The following RBMS3 variants were observed in gnomAD, a reference collection of about 807,000 sequenced individuals.
RBMS3 encodes the protein RNA-binding motif, single-stranded-interacting protein 3.
In RBMS3, 27 loss-of-function variants were observed where a neutral mutation model predicts 66.8. The ratio of observed to expected loss-of-function variants is 0.40; its 90% CI spans 0.30 to 0.56. The LOEUF (loss-of-function observed/expected upper bound fraction) is 0.56, where lower values mean the gene tolerates loss of function less well. Ranked by LOEUF, RBMS3 falls within the 20% of genes least tolerant of loss-of-function variation. RBMS3 has a pLI of 0.40. For missense variants in RBMS3, 513 were observed against 549.5 expected, an observed-to-expected ratio of 0.93 and a Z score of 0.66; for synonymous variants, 188 against 183.0, an observed-to-expected ratio of 1.03 and a Z score of -0.22.
At chr3:29,970,613 A>G (rs1056466674) in intron 12 of RBMS3, among the ~76,000 whole-genome samples, 1 of 152,144 alleles carries the variant, frequency 6.6e-6, no homozygotes, top group Non-Finnish European at 1.5e-5. Flanking sequence ...GGGTCTCTCA[A>G]TATTTTGAAA....
chr3:29,663,756 TA>T (rs5847585), intron 4 of RBMS3, among the ~76,000 whole-genome samples: 39,987 of 151,818 alleles, frequency 0.26, 5,937 homozygotes, highest in Non-Finnish European at 0.34. Flanking sequence ...GTTTCTTTTT[TA>T]AAAAAAAATT....
chr3:29,812,915 T>A lies in RBMS3; in HGVS notation c.637+49926T>A, dbSNP rs144791966. On this transcript the variant is annotated intron_variant, in intron 6 of 14. Coordinates refer to ENST00000383767, the MANE Select transcript of RBMS3 (RefSeq NM_001003793.3). ...AGCTTACTAATCATATGTGCATCTG[T>A]GTATGCATATCACAGATGTACAACG... Among the ~76,000 whole-genome samples the A allele has an allele frequency of 1.4e-3, 207 of 152,240 alleles. 1 individual carries two copies. Among genetic ancestry groups the A allele is most frequent in the African/African-American group, 4.8e-3 (201 of 41,570 alleles).
intron 3 of RBMS3, among the ~76,000 whole-genome samples, chr3:29,564,884 G>GA (rs140765811): frequency 0.046 from 6,787 of 147,814 alleles, 179 homozygotes; most frequent in Admixed American, 0.079. Context: ...TCAATTCCAA[G>GA]AAAAAAAAAA....
intron 6 of RBMS3, among the ~76,000 whole-genome samples, chr3:29,845,762 C>T (rs9866414): frequency 0.015 from 2,212 of 152,122 alleles, 48 homozygotes; most frequent in African/African-American, 0.049. Context: ...ATTTCAGGTT[C>T]GAATAATTCC....
At chr3:29,423,630 C>T (rs2040835229) in intron 1 of RBMS3, among the ~76,000 whole-genome samples, 1 of 152,162 alleles carries the variant, frequency 6.6e-6, no homozygotes, top group African/African-American at 2.4e-5. Flanking sequence ...TTAGCATTGT[C>T]CAGTAGAACT....
chr3:29,586,995 A>G, intron 3 of RBMS3, 119 bp from the exon 4 acceptor site: 1 of 676,860 alleles, frequency 1.5e-6, no homozygotes, highest in Non-Finnish European at 2.4e-6. Context: ...CTAATGTTCA[A>G]CCAGGGTAAT....
At chr3:29,490,688 G>A (rs532806980) in intron 3 of RBMS3, among the ~76,000 whole-genome samples, 1 of 152,214 alleles carries the variant, frequency 6.6e-6, no homozygotes, top group African/African-American at 2.4e-5. Flanking sequence ...TGTGTAGAAG[G>A]GGAAATGGAG....
chr3:29,378,865 T>A (rs915391458), intron 1 of RBMS3, among the ~76,000 whole-genome samples: 1 of 152,154 alleles, frequency 6.6e-6, no homozygotes, highest in Non-Finnish European at 1.5e-5. Flanking sequence ...AAAACCAAAA[T>A]GCATTCATAT....
intron 12 of RBMS3, among the ~76,000 whole-genome samples, chr3:29,960,468 C>T (rs1696351310): frequency 6.6e-6 from 1 of 152,150 alleles, no homozygotes; most frequent in Non-Finnish European, 1.5e-5. Flanking sequence ...GGTGGATCTA[C>T]CATTCTGGGA....
chr3:29,522,630 C>T (rs1055169784), intron 3 of RBMS3, among the ~76,000 whole-genome samples: 2 of 152,110 alleles, frequency 1.3e-5, no homozygotes, highest in African/African-American at 4.8e-5. Flanking sequence ...AAAGCTAGAA[C>T]CATGACAGGG....
chr3:29,843,671 T>C (rs547791818), intron 6 of RBMS3, among the ~76,000 whole-genome samples: 2 of 152,108 alleles, frequency 1.3e-5, no homozygotes, highest in Non-Finnish European at 2.9e-5. Context: ...AAAGTTGCCT[T>C]CAGCTAGGAG....
intron 12 of RBMS3, among the ~76,000 whole-genome samples, chr3:29,962,002 ATATT>A (rs1192999124): frequency 1.4e-5 from 2 of 145,698 alleles, no homozygotes; most frequent in African/African-American, 2.5e-5. Flanking sequence ...TATAATATAT[ATATT>A]ATATATTTTT....
intron 6 of RBMS3, among the ~76,000 whole-genome samples, chr3:29,820,953 CT>C (rs2058062864): frequency 6.6e-6 from 1 of 152,108 alleles, no homozygotes; most frequent in Non-Finnish European, 1.5e-5. Flanking sequence ...AGTTTCCCTC[CT>C]GGGAAGCAAC....
intron 2 of RBMS3, among the ~76,000 whole-genome samples, chr3:29,487,062 C>G (rs2043347431): frequency 6.6e-6 from 1 of 151,934 alleles, no homozygotes; most frequent in African/African-American, 2.4e-5. Context: ...TATTTATTTA[C>G]CTTAATAGCT....
chr3:29,670,384 G>T (rs978376684), intron 4 of RBMS3, among the ~76,000 whole-genome samples: 1 of 152,156 alleles, frequency 6.6e-6, no homozygotes, highest in Admixed American at 6.5e-5. Flanking sequence ...CAGGTACTGG[G>T]TTCATCTCAC....
chr3:29,563,426 G>A (rs969858993), intron 3 of RBMS3, among the ~76,000 whole-genome samples: 2 of 152,142 alleles, frequency 1.3e-5, no homozygotes, highest in Admixed American at 6.5e-5. Flanking sequence ...TTTAGTACCT[G>A]CCACATTCCA....
At chr3:29,902,006 AAT>A (rs2060266530) in intron 10 of RBMS3, among the ~76,000 whole-genome samples, 1 of 151,848 alleles carries the variant, frequency 6.6e-6, no homozygotes, top group Non-Finnish European at 1.5e-5. Flanking sequence ...ATGATACTAA[AAT>A]ATAAAAATAT....
At position 30,003,995 on chromosome 3, in the gene RBMS3, T is replaced by C. The variant is rs1699727970; in HGVS notation, c.*133T>C. 3.0e-6 allele frequency: 2 copies of C among 664,650 alleles called. No homozygotes were observed. Among genetic ancestry groups the C allele is most frequent in the Non-Finnish European group, 2.2e-6 (1 of 447,394 alleles). 41.2% of individuals were successfully genotyped at this position (664,650 alleles called of 1,614,324 possible). ...GTTGTTGTTGTTGTTTTTTTTTTAG[T>C]GTTATACCTTACCCAATGAAAGCAA... On this transcript the variant is annotated 3_prime_UTR_variant, in exon 15 of 15. Transcript: ENST00000383767.
chr3:29,283,492 AAGAG>A (rs1373383127), intron 1 of RBMS3, among the ~76,000 whole-genome samples: 1 of 152,108 alleles, frequency 6.6e-6, no homozygotes, highest in Non-Finnish European at 1.5e-5. Context: ...ATGGGGGGTA[AAGAG>A]AGAGAGTGGA....
Sources: allele counts gnomAD v4.1 joint callset (sites outside exome capture counted in the v4.1 genomes callset), GRCh38; gene constraint gnomAD v4.1.1; transcripts MANE v1.5; gene names NCBI Gene and HGNC (gene_info 2026-07-23, HGNC 2026-07-21).